OPRM1: variants seen among roughly 807,000 people sequenced by gnomAD.
OPRM1 encodes mu-type opioid receptor.
OPRM1 carries 27 observed loss-of-function variants against 31.8 expected under a neutral mutation model. That is an observed-to-expected ratio of 0.85 (90% CI 0.63 to 1.17). OPRM1 has a LOEUF of 1.17. Among genes scored for constraint, OPRM1 ranks in the 50% most tolerant of loss-of-function variants. The probability of loss-of-function intolerance (pLI) is 0.00; values close to 1 mark genes in which losing one functional copy is unlikely to be tolerated. For missense variants in OPRM1, 536 were observed against 511.1 expected (o/e 1.05, Z -0.47); for synonymous variants, 196 against 189.9 (o/e 1.03, Z -0.26).
At chr6:154,202,232 A>G (rs1777128073) in intron 3 of OPRM1, among the ~76,000 whole-genome samples, 1 of 152,184 alleles carries the variant, frequency 6.6e-6, no homozygotes, top group Non-Finnish European at 1.5e-5. Context: ...CTCAATAATC[A>G]TATACTGGCA....
chr6:154,181,673 C>G (rs1442865297), intron 3 of OPRM1, among the ~76,000 whole-genome samples: 2 of 152,194 alleles, frequency 1.3e-5, no homozygotes, highest in Non-Finnish European at 2.9e-5. Flanking sequence ...CCACCCGGAG[C>G]CTCTGCTGCT....
At chr6:154,164,650 G>A (rs528876451) in intron 3 of OPRM1, among the ~76,000 whole-genome samples, 2 of 152,328 alleles carry the variant, frequency 1.3e-5, no homozygotes, top group African/African-American at 4.8e-5. Context: ...AATAGTCAGT[G>A]TGTGGCTCGA....
At chr6:154,138,975 G>A (rs146983326) in intron 3 of OPRM1, among the ~76,000 whole-genome samples, 1,735 of 152,238 alleles carry the variant, frequency 0.011, 19 homozygotes, top group Middle Eastern at 0.031. Flanking sequence ...CTGACTCAGC[G>A]CAAGAAGACT....
At chr6:154,044,783 A>G (rs1455260576) in intron 1 of OPRM1, among the ~76,000 whole-genome samples, 2 of 152,232 alleles carry the variant, frequency 1.3e-5, no homozygotes, top group Non-Finnish European at 2.9e-5. Flanking sequence ...TGAACATCTA[A>G]TAGGATCTCT....
At chr6:154,082,658 T>C (rs112818289) in intron 1 of OPRM1, among the ~76,000 whole-genome samples, 164 of 152,274 alleles carry the variant, frequency 1.1e-3, no homozygotes, top group Non-Finnish European at 1.9e-3. Flanking sequence ...TCCCAGATCA[T>C]AAAATATAAG....
rs770503197 is a variant in OPRM1, at chr6:154,089,846, C to T, written c.311C>T (p.Ala104Val). The T allele has an allele frequency of 6.2e-7, 1 of 1,612,694 alleles. No homozygotes were observed. Among genetic ancestry groups the T allele is most frequent in the African/African-American group, 1.3e-5 (1 of 75,020 alleles). ...CCTAGATACACCAAGATGAAGACTG[C>T]CACCAACATCTACATTTTCAACCTT... ...VIVRYTKMKT[A>V]TNIYIFNLAL... The change falls in exon 2 of 4, where the codon GCC becomes GTC. Residue 104 changes from alanine (A) to valine (V), a missense_variant. Transcript: ENST00000330432.
chr6:154,136,500 T>C (rs1407333787), downstream of OPRM1, among the ~76,000 whole-genome samples: 3 of 152,210 alleles, frequency 2.0e-5, no homozygotes, highest in Non-Finnish European at 4.4e-5. Flanking sequence ...TAAGTGATTC[T>C]GTAGACTGAA....
chr6:154,049,702 T>C (rs547678486), intron 1 of OPRM1, among the ~76,000 whole-genome samples: 1 of 152,340 alleles, frequency 6.6e-6, no homozygotes, highest in Non-Finnish European at 1.5e-5. Context: ...TGTTTTATTA[T>C]AATCAGGTAG....
At chr6:154,233,519 T>C (rs959638893) in intron 3 of OPRM1, among the ~76,000 whole-genome samples, 7 of 152,000 alleles carry the variant, frequency 4.6e-5, no homozygotes, top group African/African-American at 1.7e-4. Flanking sequence ...TAGAAATAGA[T>C]ATTCTACATA....
chr6:154,126,257 T>C lies in OPRM1; in HGVS notation c.*7536T>C, dbSNP rs581439. Among the ~76,000 whole-genome samples, 110,754 of 152,040 alleles carry C rather than the reference T, an allele frequency of 0.73. 40,870 individuals are homozygous for C. Among genetic ancestry groups the C allele is most frequent in the East Asian group, 0.9 (4,642 of 5,166 alleles). On this transcript the variant is annotated 3_prime_UTR_variant, in exon 4 of 4. Coordinates refer to ENST00000330432, the MANE Select transcript of OPRM1 (RefSeq NM_000914.5). ...CTAAGAGTCTGGGTAAAATTGAACA[T>C]AGCCATATTCACTGAACAACATGAG... is the stretch of plus-strand genomic sequence containing the variant.
At chr6:154,018,191 G>C (rs888121967) in intron 1 of OPRM1, among the ~76,000 whole-genome samples, 3 of 152,116 alleles carry the variant, frequency 2.0e-5, no homozygotes, top group African/African-American at 7.2e-5. Context: ...GACCGAGGTG[G>C]ATGGATCACT....
chr6:154,074,542 C>T (rs1410029389), intron 1 of OPRM1: 1 of 152,062 alleles, frequency 6.6e-6, no homozygotes, highest in Non-Finnish European at 1.5e-5. Flanking sequence ...GGCAAATCAC[C>T]TGAGGTCAGA....
intron 1 of OPRM1, among the ~76,000 whole-genome samples, chr6:154,032,035 G>A (rs1213946642): frequency 6.6e-6 from 1 of 152,122 alleles, no homozygotes; most frequent in Non-Finnish European, 1.5e-5. Context: ...ATCTGTTTTT[G>A]GCTACAGTGT....
chr6:154,031,500 C>T (rs764132669), intron 1 of OPRM1, among the ~76,000 whole-genome samples: 4 of 151,880 alleles, frequency 2.6e-5, no homozygotes, highest in Admixed American at 6.6e-5. Flanking sequence ...TTTGAGAGAC[C>T]GAGGCGGGCA....
At chr6:154,026,592 T>C (rs1778709462) in intron 1 of OPRM1, among the ~76,000 whole-genome samples, 1 of 152,174 alleles carries the variant, frequency 6.6e-6, no homozygotes, top group South Asian at 2.1e-4. Context: ...ATTTGAGGGC[T>C]GTTTGCTAGA....
chr6:154,172,368 G>C (rs894492212), intron 3 of OPRM1, among the ~76,000 whole-genome samples: 2 of 152,300 alleles, frequency 1.3e-5, no homozygotes, highest in East Asian at 3.9e-4. Context: ...AGGGGTCGGG[G>C]GATTTCCCTT....
At chr6:154,226,525 T>C (rs1377654995) in intron 3 of OPRM1, among the ~76,000 whole-genome samples, 1 of 152,118 alleles carries the variant, frequency 6.6e-6, no homozygotes, top group Non-Finnish European at 1.5e-5. Context: ...AAACTCAAAG[T>C]TGTATAGTTG....
At chr6:154,196,379 C>A (rs1293434712) in intron 3 of OPRM1, among the ~76,000 whole-genome samples, 2 of 152,144 alleles carry the variant, frequency 1.3e-5, no homozygotes, top group Non-Finnish European at 2.9e-5. Flanking sequence ...AAACATCATG[C>A]ATGCTCTAGA....
At chr6:154,105,897 C>T (rs1795497297) in intron 3 of OPRM1, among the ~76,000 whole-genome samples, 1 of 152,142 alleles carries the variant, frequency 6.6e-6, no homozygotes, top group Non-Finnish European at 1.5e-5. Flanking sequence ...CATATTTACC[C>T]AATTTTAATG....
Sources: allele counts gnomAD v4.1 joint callset (sites outside exome capture counted in the v4.1 genomes callset), GRCh38; gene constraint gnomAD v4.1.1; transcripts MANE v1.5; gene names NCBI Gene and HGNC (gene_info 2026-07-23, HGNC 2026-07-21).